The following KLF12 variants were observed in gnomAD, a reference collection of about 807,000 sequenced individuals.
KLF12 encodes KLF transcription factor 12, also known as Krueppel-like factor 12.
Under a neutral mutation model 37.8 loss-of-function variants are expected in KLF12, and 9 were observed. The observed-to-expected ratio is 0.24, with a 90% CI of 0.14 to 0.42. The LOEUF (loss-of-function observed/expected upper bound fraction) is 0.42, where lower values mean the gene tolerates loss of function less well. Among genes scored for constraint, KLF12 ranks in the 10% least tolerant of loss-of-function variants. The pLI, the probability that KLF12 is intolerant of heterozygous loss-of-function variation, is 1.00. For synonymous variants in KLF12, 208 were observed against 202.1 expected (o/e 1.03, Z -0.25); for missense variants, 411 against 516.0 (o/e 0.80, Z 1.97).
At chr13:73,861,930 T>C (rs1035252693) in intron 3 of KLF12, among the ~76,000 whole-genome samples, 2 of 152,144 alleles carry the variant, frequency 1.3e-5, no homozygotes, top group African/African-American at 4.8e-5. Context: ...ACTTGAAGTG[T>C]TTATTACCTA....
chr13:73,743,597 C>G (rs1393183672), intron 6 of KLF12, among the ~76,000 whole-genome samples: 1 of 152,214 alleles, frequency 6.6e-6, no homozygotes, highest in South Asian at 2.1e-4. Flanking sequence ...ATTAAAGTTA[C>G]AAGGAAACTT....
chr13:74,282,194 A>C, the KLF12 span, among the ~76,000 whole-genome samples: 1 of 152,156 alleles, frequency 6.6e-6, no homozygotes, highest in African/African-American at 2.4e-5. Context: ...GTTAAAATAA[A>C]AGTGCTTTTC....
rs543043828 is a variant in KLF12 at position 74,019,540 on chromosome 13, C to G, written c.-31-24487G>C. Among the ~76,000 whole-genome samples, 6 of 152,296 alleles carry G rather than the reference C, an allele frequency of 3.9e-5. 1 individual carries two copies. In the South Asian group the frequency reaches 1.0e-3, roughly 26 times the overall value. On this transcript the variant is annotated intron_variant, in intron 1 of 7. Coordinates refer to ENST00000377669, the MANE Select transcript of KLF12 (RefSeq NM_007249.5). ...ACTCATAATAGGTCTTTTTAACTTA[C>G]AAGTCCCTTGCAACAAAAACTCTAA...
chr13:73,861,278 C>T (rs1885911931), intron 3 of KLF12, among the ~76,000 whole-genome samples: 1 of 152,074 alleles, frequency 6.6e-6, no homozygotes, highest in African/African-American at 2.4e-5. Flanking sequence ...AATAAAAAAC[C>T]CCTGCTAACT....
chr13:74,068,285 A>G (rs761852801), intron 1 of KLF12, among the ~76,000 whole-genome samples: 1 of 152,236 alleles, frequency 6.6e-6, no homozygotes, highest in Non-Finnish European at 1.5e-5. Flanking sequence ...TTCAGCTACT[A>G]TAACAATTTT....
chr13:74,203,765 A>G, the KLF12 span, among the ~76,000 whole-genome samples: 3 of 152,178 alleles, frequency 2.0e-5, no homozygotes, highest in Non-Finnish European at 2.9e-5. Flanking sequence ...ATGCAGATCC[A>G]GTGCTCAGGT....
At chr13:73,975,085 G>A (rs952648141) in intron 2 of KLF12, among the ~76,000 whole-genome samples, 1 of 152,118 alleles carries the variant, frequency 6.6e-6, no homozygotes, top group Non-Finnish European at 1.5e-5. Flanking sequence ...TATTCCATTA[G>A]TAAAAGATGT....
chr13:74,216,543 G>A, the KLF12 span, among the ~76,000 whole-genome samples: 12 of 152,158 alleles, frequency 7.9e-5, no homozygotes, highest in African/African-American at 2.4e-4. Flanking sequence ...GGGTAGATAA[G>A]GATAGTGCTT....
At chr13:74,190,858 C>A in the KLF12 span, among the ~76,000 whole-genome samples, 2 of 152,204 alleles carry the variant, frequency 1.3e-5, no homozygotes, top group Admixed American at 1.3e-4. Flanking sequence ...CATATCAACT[C>A]TTTCTTCTCC....
Position 74,023,838 on chromosome 13 carries a change from T to A in KLF12, c.-31-28785A>T, listed in dbSNP as rs1892906330. The stretch of plus-strand genomic sequence containing the variant: ...GCTGATAGCTACTATGGCCAGAGCA[T>A]CAGCTGTTCATTGTGAAGAGGTAGC... On this transcript the variant is annotated intron_variant, in intron 1 of 7. Coordinates refer to ENST00000377669, the MANE Select transcript of KLF12 (RefSeq NM_007249.5). Among the ~76,000 whole-genome samples, 3 of 152,156 alleles carry A rather than the reference T, an allele frequency of 2.0e-5. 1 individual carries two copies. In the South Asian group the frequency reaches 6.2e-4, roughly 32 times the overall value.
the KLF12 span, among the ~76,000 whole-genome samples, chr13:74,150,556 A>T: frequency 6.6e-6 from 1 of 152,212 alleles, no homozygotes; most frequent in East Asian, 1.9e-4. Context: ...TAGAAGCTTC[A>T]TTCTTACTAT....
At chr13:74,020,832 A>G (rs916100484) in intron 1 of KLF12, among the ~76,000 whole-genome samples, 1 of 151,442 alleles carries the variant, frequency 6.6e-6, no homozygotes, top group African/African-American at 2.4e-5. Context: ...CGGAGCTTGC[A>G]GTGAGTGAAG....
the KLF12 span, among the ~76,000 whole-genome samples, chr13:74,250,500 T>A: frequency 6.6e-6 from 1 of 152,052 alleles, no homozygotes; most frequent in African/African-American, 2.4e-5. Context: ...AAGAAAAAGG[T>A]TAGAACCATG....
At chr13:73,810,856 G>A (rs966835044) in intron 5 of KLF12, among the ~76,000 whole-genome samples, 2 of 151,970 alleles carry the variant, frequency 1.3e-5, no homozygotes, top group African/African-American at 4.8e-5. Flanking sequence ...TCAGGGATTA[G>A]GAAGATCTCA....
intron 2 of KLF12, among the ~76,000 whole-genome samples, chr13:73,988,862 G>C (rs971245648): frequency 6.6e-6 from 1 of 152,146 alleles, no homozygotes; most frequent in Admixed American, 6.5e-5. Context: ...GTAACTACCA[G>C]GCAATATGCA....
chr13:73,721,218 G>A (rs370275806), intron 6 of KLF12, among the ~76,000 whole-genome samples: 1 of 152,198 alleles, frequency 6.6e-6, no homozygotes, highest in African/African-American at 2.4e-5. Context: ...AAAGTCTGCG[G>A]CTACACTAAA....
chr13:73,814,247 C>A (rs967750816), intron 4 of KLF12, among the ~76,000 whole-genome samples: 26 of 152,152 alleles, frequency 1.7e-4, no homozygotes, highest in Admixed American at 6.5e-5. Flanking sequence ...CTAAAACCAC[C>A]ACTGCTTGCG....
intron 6 of KLF12, among the ~76,000 whole-genome samples, chr13:73,746,982 T>C (rs1878416186): frequency 6.6e-6 from 1 of 151,930 alleles, no homozygotes; most frequent in African/African-American, 2.4e-5. Context: ...ACCTGGCTAA[T>C]TTTTTTGTAT....
At chr13:74,138,074 A>G (rs1878610508), upstream of KLF12, among the ~76,000 whole-genome samples, 1 of 152,218 alleles carries the variant, frequency 6.6e-6, no homozygotes, top group Admixed American at 6.5e-5. Flanking sequence ...CTTTTACAGT[A>G]TTAAGAGCAT....
Sources: gnomAD v4.1 joint callset for allele counts (sites outside exome capture counted in the v4.1 genomes callset) on GRCh38, gnomAD v4.1.1 for gene constraint, MANE v1.5 for transcripts, NCBI Gene and HGNC (gene_info 2026-07-23, HGNC 2026-07-21) for gene names.